The following PDE4D variants were observed in gnomAD, a reference collection of about 807,000 sequenced individuals.
PDE4D encodes 3',5'-cyclic-AMP phosphodiesterase 4D.
In PDE4D, 24 loss-of-function variants were observed where a neutral mutation model predicts 87.4. The ratio of observed to expected loss-of-function variants is 0.27; its 90% CI spans 0.20 to 0.39. PDE4D has a LOEUF of 0.39. Ranked by LOEUF, PDE4D falls within the 10% of genes least tolerant of loss-of-function variation. The pLI, the probability that PDE4D is intolerant of heterozygous loss-of-function variation, is 1.00. For missense variants in PDE4D, 714 were observed against 1,041.0 expected, an observed-to-expected ratio of 0.69 and a Z score of 4.32; for synonymous variants, 384 against 383.2, an observed-to-expected ratio of 1.00 and a Z score of -0.02.
At chr5:60,510,118 T>C (rs1185694551) in intron 1 of PDE4D, among the ~76,000 whole-genome samples, 1 of 152,160 alleles carries the variant, frequency 6.6e-6, no homozygotes, top group Non-Finnish European at 1.5e-5. Flanking sequence ...AGACAATAAA[T>C]GGCTCTGCAG....
intron 1 of PDE4D, among the ~76,000 whole-genome samples, chr5:60,293,541 T>G (rs1392943843): frequency 1.3e-5 from 2 of 151,970 alleles, no homozygotes; most frequent in African/African-American, 4.8e-5. Flanking sequence ...AAAAAAAAGA[T>G]GTAACCCACA....
At chr5:59,958,888 G>C (rs1674002887) in intron 3 of PDE4D, among the ~76,000 whole-genome samples, 1 of 152,122 alleles carries the variant, frequency 6.6e-6, no homozygotes, top group Admixed American at 6.6e-5. Context: ...AATAGGAAAA[G>C]AGGAAGTAAA....
At chr5:59,963,522 G>C (rs1213957539) in intron 3 of PDE4D, among the ~76,000 whole-genome samples, 4 of 151,798 alleles carry the variant, frequency 2.6e-5, no homozygotes, top group African/African-American at 9.7e-5. Context: ...ACCAAAATCA[G>C]GAAAACAGCA....
rs144391307 is a variant in PDE4D, at chr5:60,249,518, T to C, written c.-89-63831A>G. ...AAAAAATCCTAACATGTAGCCTGCA[T>C]GCAATATGCAAACAGGCTGCTAAGG... On this transcript the variant is annotated intron_variant, in intron 1 of 16. Transcript: ENST00000502484. 4.2e-3 allele frequency among the ~76,000 whole-genome samples: 632 copies of C among 152,122 alleles called. 8 individuals carry two copies. The highest frequency in any genetic ancestry group is 0.014 in the Middle Eastern group (4 of 294).
At chr5:59,858,211 T>C (rs1202667735) in intron 1 of PDE4D, among the ~76,000 whole-genome samples, 1 of 152,120 alleles carries the variant, frequency 6.6e-6, no homozygotes, top group Non-Finnish European at 1.5e-5. Flanking sequence ...TCTTAGACAC[T>C]TGGGCAGCAG....
At chr5:60,211,573 G>A (rs1438896077) in intron 1 of PDE4D, among the ~76,000 whole-genome samples, 2 of 148,662 alleles carry the variant, frequency 1.3e-5, no homozygotes, top group East Asian at 2.0e-4. Flanking sequence ...TTTATTACGC[G>A]TTTTATTTGT....
At chr5:60,339,292 G>A (rs1758098480) in intron 1 of PDE4D, among the ~76,000 whole-genome samples, 2 of 152,048 alleles carry the variant, frequency 1.3e-5, no homozygotes, top group Admixed American at 6.5e-5. Context: ...CCATTATTAA[G>A]TAAACTAAGA....
chr5:59,007,999 T>C (rs557980850), intron 6 of PDE4D, among the ~76,000 whole-genome samples: 8 of 152,206 alleles, frequency 5.3e-5, no homozygotes, highest in African/African-American at 1.9e-4. Context: ...TCTTATTAGA[T>C]GTTAGCATAG....
At chr5:59,081,518 T>TTAAAAAAAAAAAA (rs56306218) in intron 5 of PDE4D, among the ~76,000 whole-genome samples, 4 of 135,434 alleles carry the variant, frequency 3.0e-5, no homozygotes, top group Non-Finnish European at 4.7e-5. Flanking sequence ...AGTAATCAGG[T>TTAAAAAAAAAAAA]AAAAAAAAAA....
chr5:59,585,186 T>A (rs918777059), intron 1 of PDE4D, among the ~76,000 whole-genome samples: 1 of 152,160 alleles, frequency 6.6e-6, no homozygotes, highest in Non-Finnish European at 1.5e-5. Context: ...TCTGGTGTTG[T>A]TAGAAAATAA....
intron 1 of PDE4D, among the ~76,000 whole-genome samples, chr5:59,660,880 G>T (rs545778027): frequency 2.2e-4 from 34 of 151,928 alleles, no homozygotes; most frequent in African/African-American, 8.0e-4. Flanking sequence ...AACGATAATA[G>T]CTATTTTTAA....
intron 3 of PDE4D, among the ~76,000 whole-genome samples, chr5:59,968,020 T>G (rs1446010144): frequency 6.9e-6 from 1 of 145,274 alleles, no homozygotes; most frequent in Admixed American, 7.0e-5. Flanking sequence ...GTTTCACTCT[T>G]ATTGCCCAGG....
chr5:59,239,695 A>C (rs190830223), intron 1 of PDE4D, among the ~76,000 whole-genome samples: 27 of 152,192 alleles, frequency 1.8e-4, no homozygotes, highest in African/African-American at 6.5e-4. Flanking sequence ...TGATGCTTTA[A>C]CTCTAGGTTC....
intron 5 of PDE4D, among the ~76,000 whole-genome samples, chr5:59,085,444 T>C (rs571646850): frequency 6.6e-6 from 1 of 152,292 alleles, no homozygotes; most frequent in Non-Finnish European, 1.5e-5. Flanking sequence ...TTGCTTATTA[T>C]TATTTTGTAA....
intron 2 of PDE4D, among the ~76,000 whole-genome samples, chr5:60,060,022 G>C (rs1273321078): frequency 6.6e-6 from 1 of 151,854 alleles, no homozygotes; most frequent in African/African-American, 2.4e-5. Flanking sequence ...AAGAAAGCTT[G>C]CTTTGAAAAA....
chr5:59,763,894 A>G (rs138747600), intron 1 of PDE4D, among the ~76,000 whole-genome samples: 224 of 152,324 alleles, frequency 1.5e-3, no homozygotes, highest in Non-Finnish European at 2.5e-3. Flanking sequence ...TGATAAAACT[A>G]TTACTAATAA....
intron 1 of PDE4D, among the ~76,000 whole-genome samples, chr5:59,368,136 A>G (rs956724171): frequency 3.3e-5 from 5 of 152,222 alleles, no homozygotes; most frequent in African/African-American, 1.2e-4. Context: ...CACAGACTTG[A>G]CATCCGAATT....
intron 1 of PDE4D, among the ~76,000 whole-genome samples, chr5:59,371,894 A>T (rs1366213064): frequency 6.6e-6 from 1 of 152,170 alleles, no homozygotes; most frequent in African/African-American, 2.4e-5. Flanking sequence ...GAGTATTGTA[A>T]AGAAAAAGAG....
chr5:59,428,887 A>T (rs538580067), intron 1 of PDE4D, among the ~76,000 whole-genome samples: 22 of 152,340 alleles, frequency 1.4e-4, no homozygotes, highest in African/African-American at 5.3e-4. Context: ...CTACTGAAAG[A>T]AAAGATGGAT....
Sources: gnomAD v4.1 joint callset for allele counts (sites outside exome capture counted in the v4.1 genomes callset) on GRCh38, gnomAD v4.1.1 for gene constraint, MANE v1.5 for transcripts, NCBI Gene and HGNC (gene_info 2026-07-23, HGNC 2026-07-21) for gene names.